The following CPSF4L variants were observed in gnomAD, a reference collection of about 807,000 sequenced individuals.
CPSF4L encodes cleavage and polyadenylation specific factor 4 like.
A neutral mutation model predicts 24.0 loss-of-function variants in CPSF4L; 18 were observed. That is an observed-to-expected ratio of 0.75 (90% CI 0.52 to 1.11). The LOEUF (loss-of-function observed/expected upper bound fraction) is 1.11, where lower values mean the gene tolerates loss of function less well. Among genes scored for constraint, CPSF4L ranks in the 50% least tolerant of loss-of-function variants. The probability of loss-of-function intolerance (pLI) is 0.00; values close to 1 mark genes in which losing one functional copy is unlikely to be tolerated. For synonymous variants in CPSF4L, 72 were observed against 77.2 expected, an observed-to-expected ratio of 0.93 and a Z score of 0.35; for missense variants, 211 against 221.8, an observed-to-expected ratio of 0.95 and a Z score of 0.31.
the CPSF4L span, among the ~76,000 whole-genome samples, chr17:73,242,635 ACT>A: frequency 2.4e-4 from 37 of 152,158 alleles, no homozygotes; most frequent in Non-Finnish European, 4.4e-4. Flanking sequence ...AGCCAGAAAA[ACT>A]CTAAACCTCA....
intron 5 of CPSF4L, chr17:73,249,951 C>G (rs1413653765): frequency 2.2e-5 from 6 of 275,458 alleles, no homozygotes; most frequent in Admixed American, 1.6e-4. Context: ...TTGGTAGGAG[C>G]TGAGCAAAGT....
downstream of CPSF4L, chr17:73,244,835 G>A (rs920751526): frequency 4.0e-5 from 8 of 201,908 alleles, no homozygotes; most frequent in East Asian, 6.1e-4. Context: ...GGATGGCCTC[G>A]CCGCCATCTC....
At chr17:73,254,154 T>G (rs2062015708) in intron 3 of CPSF4L, 128 bp from the exon 4 acceptor site, 1 of 690,188 alleles carries the variant, frequency 1.4e-6, no homozygotes, top group Non-Finnish European at 2.5e-6. Flanking sequence ...GTCACCAGCT[T>G]TTTGAAGATG....
At chr17:73,253,766 CTG>C (rs1449935387) in intron 4 of CPSF4L, among the ~76,000 whole-genome samples, 163 bp downstream of exon 4, 2 of 152,198 alleles carry the variant, frequency 1.3e-5, no homozygotes, top group Non-Finnish European at 2.9e-5. Context: ...CCACACCAGG[CTG>C]TGTTTTGTGT....
chr17:73,247,260 G>T, downstream of CPSF4L: 1 of 1,614,162 alleles, frequency 6.2e-7, no homozygotes, highest in Non-Finnish European at 8.5e-7. Context: ...GCCGACCCCT[G>T]CCCTGGAAGA....
Position 73,257,815 on chromosome 17 carries a change from C to T in CPSF4L, c.173G>A (p.Arg58Gln), listed in dbSNP as rs145534146. 1.1e-5 allele frequency: 17 copies of T among 1,551,534 alleles called. No homozygotes were observed. In the African/African-American group the frequency reaches 1.8e-4, roughly 16 times the overall value. Reference sequence around the variant, plus strand: ...CACCATCTTCTCCCCTCGGTCATGTCGGAAGGGGCAGAGTTTCCCTGGAGA... The same window carrying T: ...CACCATCTTCTCCCCTCGGTCATGTTGGAAGGGGCAGAGTTTCCCTGGAGA... ...LCEKGKLCPF[R>Q]HDRGEKMVVC... is the part of the protein sequence containing the mutation. The change falls in exon 3 of 6, where the codon CGA (arginine) becomes CAA (glutamine). Residue 58 changes from arginine to glutamine, a missense_variant. Arg to Gln is a conservative substitution (Grantham distance 43). Transcript: ENST00000344935.
chr17:73,260,961 G>A lies in CPSF4L; in HGVS notation c.126C>T (p.Asn42=), dbSNP rs1248307055. The A allele has an allele frequency of 1.9e-6, 3 of 1,550,666 alleles. No homozygotes were observed. The highest frequency in any genetic ancestry group is 2.4e-5 in the South Asian group (2 of 84,050). Residue 42 remains asparagine, a synonymous_variant, in exon 2 of 6, where the codon AAC becomes AAT. Transcript: ENST00000344935. ...TCTCACAGAGCCCTTTAGTGAAGAA[G>A]TTGCACACAGCTGAGGCCGACTCTG... ...GMDKSASAVC[N]FFTKGLCEKG...
At chr17:73,250,439 G>A (rs2062000396) in intron 5 of CPSF4L, 1 of 1,217,678 alleles carries the variant, frequency 8.2e-7, no homozygotes, top group African/African-American at 1.5e-5. Flanking sequence ...GCTTATTTCA[G>A]GCATTCAAGC....
At chr17:73,243,079 T>TTTTTTTTTTC in the CPSF4L span, 2 of 383,922 alleles carry the variant, frequency 5.2e-6, no homozygotes, top group African/African-American at 1.1e-4. Flanking sequence ...TTCTCTGAAT[T>TTTTTTTTTTC]TTTTTTTTTT....
chr17:73,262,851 G>A (rs879733943), upstream of CPSF4L, among the ~76,000 whole-genome samples: 1 of 152,152 alleles, frequency 6.6e-6, no homozygotes, highest in African/African-American at 2.4e-5. Flanking sequence ...AGCCCCGCAG[G>A]CTCTCAGCTG....
chr17:73,248,350 AAAAG>A, downstream of CPSF4L: 2 of 764,376 alleles, frequency 2.6e-6, no homozygotes, highest in Admixed American at 2.4e-5. Context: ...CAAGGAAAGA[AAAAG>A]AACGTCTCTA....
downstream of CPSF4L, chr17:73,245,826 T>C (rs2061942758): frequency 1.5e-6 from 1 of 647,790 alleles, no homozygotes; most frequent in African/African-American, 2.0e-5. Flanking sequence ...CTTAATTGAG[T>C]ATAATAATGA....
intron 5 of CPSF4L, chr17:73,248,889 T>C (rs1455927429): frequency 8.8e-6 from 2 of 227,806 alleles, no homozygotes; most frequent in African/African-American, 4.6e-5. Flanking sequence ...CAGACTCTTT[T>C]ATACTTTATG....
intron 5 of CPSF4L, chr17:73,250,962 C>T (rs992680184): frequency 4.0e-6 from 6 of 1,517,402 alleles, no homozygotes; most frequent in Non-Finnish European, 4.4e-6. Context: ...CCTGTGGGTT[C>T]CTTTGTCCAC....
At chr17:73,259,087 C>A (rs1346981107) in intron 2 of CPSF4L, among the ~76,000 whole-genome samples, 1 of 152,178 alleles carries the variant, frequency 6.6e-6, no homozygotes, top group Non-Finnish European at 1.5e-5. Context: ...GTTGCCCAGG[C>A]TGGAGTGCAA....
At chr17:73,250,162 C>CA in intron 5 of CPSF4L, 1 of 1,392,440 alleles carries the variant, frequency 7.2e-7, no homozygotes, top group Non-Finnish European at 9.8e-7. Flanking sequence ...CTTAGGATGA[C>CA]AGCAGGCTTA....
chr17:73,262,624 C>T (rs531999140), upstream of CPSF4L, among the ~76,000 whole-genome samples: 4 of 152,332 alleles, frequency 2.6e-5, no homozygotes, highest in African/African-American at 7.2e-5. Flanking sequence ...ATTACACCAC[C>T]CCTGCCTGCA....
At chr17:73,261,332 C>T (rs551762544) in intron 1 of CPSF4L, among the ~76,000 whole-genome samples, 23 of 152,364 alleles carry the variant, frequency 1.5e-4, no homozygotes, top group Non-Finnish European at 3.1e-4. Flanking sequence ...GGGGCGGTCG[C>T]ATCAGGGAGT....
At chr17:73,245,892 C>G (rs2061944015), downstream of CPSF4L, 2 of 215,388 alleles carry the variant, frequency 9.3e-6, no homozygotes, top group Non-Finnish European at 1.6e-5. Context: ...CCACCCCTAT[C>G]TATCCCTTTC....
Sources: allele counts gnomAD v4.1 joint callset (sites outside exome capture counted in the v4.1 genomes callset), GRCh38; gene constraint gnomAD v4.1.1; transcripts MANE v1.5; gene names NCBI Gene and HGNC (gene_info 2026-07-23, HGNC 2026-07-21).